The following RBFOX1 variants were observed in gnomAD, a reference collection of about 807,000 sequenced individuals.
RBFOX1 encodes the protein RNA binding fox-1 homolog 1.
RBFOX1 carries 8 observed loss-of-function variants against 57.7 expected under a neutral mutation model. The ratio of observed to expected loss-of-function variants is 0.14; its 90% CI spans 0.08 to 0.25. The LOEUF (loss-of-function observed/expected upper bound fraction) is 0.25. Among genes scored for constraint, RBFOX1 ranks in the 10% least tolerant of loss-of-function variants. RBFOX1 has a pLI of 1.00. For missense variants in RBFOX1, 611 were observed against 548.5 expected (o/e 1.11, Z -1.14); for synonymous variants, 326 against 222.4 (o/e 1.47, Z -4.15).
intron 2 of RBFOX1, among the ~76,000 whole-genome samples, chr16:5,547,821 C>T (rs997276020): frequency 7.2e-5 from 11 of 151,976 alleles, no homozygotes; most frequent in African/African-American, 2.2e-4. Flanking sequence ...TACATGTGCT[C>T]ATTTATAAGT....
intron 3 of RBFOX1, among the ~76,000 whole-genome samples, chr16:6,893,514 A>G (rs932755924): frequency 3.9e-5 from 6 of 152,284 alleles, no homozygotes; most frequent in African/African-American, 1.2e-4. Flanking sequence ...CTGGGGCTCT[A>G]TGCTGAGCTC....
intron 3 of RBFOX1, among the ~76,000 whole-genome samples, chr16:6,847,438 C>G (rs931390132): frequency 4.6e-5 from 7 of 152,020 alleles, no homozygotes; most frequent in African/African-American, 1.7e-4. Context: ...GGTGCTCTGT[C>G]ATCATCTTCA....
At chr16:5,915,923 T>A (rs1019200670) in intron 4 of RBFOX1, among the ~76,000 whole-genome samples, 1 of 152,172 alleles carries the variant, frequency 6.6e-6, no homozygotes, top group African/African-American at 2.4e-5. Flanking sequence ...ATGATCACAT[T>A]GGGAATAATG....
chr16:5,318,761 T>C (rs1462801476), intron 1 of RBFOX1, among the ~76,000 whole-genome samples: 1 of 152,154 alleles, frequency 6.6e-6, no homozygotes, highest in Non-Finnish European at 1.5e-5. Flanking sequence ...TTGCAGATAT[T>C]AAGGTCTCAG....
chr16:6,435,302 G>GTTTTGTTTTTCTTTTTGT (rs1555471503), intron 2 of RBFOX1, among the ~76,000 whole-genome samples: 1 of 151,268 alleles, frequency 6.6e-6, no homozygotes, highest in African/African-American at 2.4e-5. Flanking sequence ...GTTGTTTTTT[G>GTTTTGTTTTTCTTTTTGT]TTTTGTTTTT....
At chr16:7,458,379 G>C (rs1283037406) in intron 4 of RBFOX1, among the ~76,000 whole-genome samples, 1 of 152,154 alleles carries the variant, frequency 6.6e-6, no homozygotes, top group Non-Finnish European at 1.5e-5. Flanking sequence ...ATGCTGTCCT[G>C]GAGCATGTGC....
At chr16:5,559,378 C>G (rs1209015073) in intron 2 of RBFOX1, among the ~76,000 whole-genome samples, 5 of 152,118 alleles carry the variant, frequency 3.3e-5, no homozygotes, top group Non-Finnish European at 7.3e-5. Context: ...TCTGGTGTGG[C>G]TGTGATCCTC....
chr16:7,046,601 A>G (rs1442827984), intron 3 of RBFOX1, among the ~76,000 whole-genome samples: 2 of 88,360 alleles, frequency 2.3e-5, no homozygotes, highest in Non-Finnish European at 2.2e-5. Context: ...TTTGTGTTTT[A>G]TCTTTTTTTT....
intron 3 of RBFOX1, among the ~76,000 whole-genome samples, chr16:6,952,798 A>G (rs2081033305): frequency 6.6e-6 from 1 of 152,160 alleles, no homozygotes. Flanking sequence ...CAACATGGTG[A>G]AACCCCATCT....
intron 2 of RBFOX1, among the ~76,000 whole-genome samples, chr16:6,634,823 G>C (rs527811702): frequency 7.6e-6 from 1 of 131,700 alleles, no homozygotes; most frequent in Non-Finnish European, 1.5e-5. Context: ...ATAATACAAA[G>C]ATATACATAT....
At chr16:5,834,449 G>T (rs943399468) in intron 3 of RBFOX1, among the ~76,000 whole-genome samples, 1 of 152,154 alleles carries the variant, frequency 6.6e-6, no homozygotes, top group South Asian at 2.1e-4. Context: ...TTTCATGGCT[G>T]AGTAGTATTC....
At chr16:6,988,731 A>ATTTTTTTTTTTTTTTTTT (rs111959126) in intron 3 of RBFOX1, among the ~76,000 whole-genome samples, 4 of 91,320 alleles carry the variant, frequency 4.4e-5, no homozygotes, top group African/African-American at 2.1e-4. Flanking sequence ...CACCCAGCTA[A>ATTTTTTTTTTTTTTTTTT]TTTTTTTTTT....
intron 3 of RBFOX1, among the ~76,000 whole-genome samples, chr16:6,804,024 C>G (rs75984642): frequency 1.4e-5 from 2 of 146,292 alleles, no homozygotes; most frequent in Non-Finnish European, 1.5e-5. Context: ...TTTTTTTTTT[C>G]GAGATGGAGT....
intron 4 of RBFOX1, among the ~76,000 whole-genome samples, chr16:7,219,970 A>G (rs2092597749): frequency 6.6e-6 from 1 of 152,206 alleles, no homozygotes; most frequent in Non-Finnish European, 1.5e-5. Flanking sequence ...AAACCAATTG[A>G]ATCTGAGTTC....
chr16:6,530,114 A>C (rs896017468), intron 2 of RBFOX1, among the ~76,000 whole-genome samples: 1 of 152,168 alleles, frequency 6.6e-6, no homozygotes, highest in African/African-American at 2.4e-5. Flanking sequence ...AAAAGGAGAC[A>C]GTGTGTGGTG....
intron 4 of RBFOX1, among the ~76,000 whole-genome samples, chr16:7,114,797 C>G (rs989293787): frequency 1.3e-5 from 2 of 152,082 alleles, no homozygotes; most frequent in African/African-American, 4.8e-5. Flanking sequence ...ACTCGTTGTC[C>G]TAAGTTTTAG....
rs139037052 is a variant in RBFOX1, at chr16:5,402,799, C to G, written c.220-64417C>G. On this transcript the variant is annotated intron_variant, in intron 1 of 2. Transcript: ENST00000585867. ...CTGTAGGTTGGTTCCTCTGTTTCCT[C>G]TTCCCTCTGTTTCACTTTCTTTCTG... Among the ~76,000 whole-genome samples the G allele has an allele frequency of 6.3e-3, 957 of 152,292 alleles. 11 individuals are homozygous for G. Among genetic ancestry groups the G allele is most frequent in the African/African-American group, 0.022 (930 of 41,564 alleles).
At chr16:6,207,503 G>C (rs2097263087) in intron 1 of RBFOX1, among the ~76,000 whole-genome samples, 1 of 152,072 alleles carries the variant, frequency 6.6e-6, no homozygotes, top group African/African-American at 2.4e-5. Flanking sequence ...GTGGGGAGGT[G>C]GTTAAGAGAG....
chr16:5,366,522 AG>A, intron 1 of RBFOX1: 2 of 432,720 alleles, frequency 4.6e-6, no homozygotes, highest in South Asian at 1.8e-5. Context: ...AAACACCGAA[AG>A]GACCTAGTTC....
Sources: gnomAD v4.1 joint callset for allele counts (sites outside exome capture counted in the v4.1 genomes callset) on GRCh38, gnomAD v4.1.1 for gene constraint, MANE v1.5 for transcripts, NCBI Gene and HGNC (gene_info 2026-07-23, HGNC 2026-07-21) for gene names.